Variants in MACF1 observed in about 807,000 individuals in gnomAD.
The protein encoded by MACF1 is microtubule-actin cross-linking factor 1.
Under a neutral mutation model 854.8 loss-of-function variants are expected in MACF1, and 193 were observed. The observed-to-expected ratio is 0.23, with a 90% CI of 0.20 to 0.25. The LOEUF (loss-of-function observed/expected upper bound fraction) is 0.25, where lower values mean the gene tolerates loss of function less well. Among genes scored for constraint, MACF1 ranks in the 10% least tolerant of loss-of-function variants. The pLI, the probability that MACF1 is intolerant of heterozygous loss-of-function variation, is 1.00. For missense variants in MACF1, 7,722 were observed against 8,929.1 expected (o/e 0.86, Z 5.45); for synonymous variants, 3,185 against 3,226.7 (o/e 0.99, Z 0.44).
chr1:39,287,144 A>G, intron 14 of MACF1, 142 bp from the exon 15 acceptor site: 1 of 848,600 alleles, frequency 1.2e-6, no homozygotes, highest in Admixed American at 2.9e-5. Context: ...TATTTTTAGT[A>G]GAGACGGGGT....
intron 2 of MACF1, chr1:39,249,810 A>T: frequency 2.2e-6 from 1 of 448,444 alleles, no homozygotes; most frequent in Non-Finnish European, 4.0e-6. Flanking sequence ...GCATCAATTT[A>T]AAAAACACAC....
chr1:39,468,535 T>C, intron 95 of MACF1, 80 bp from the exon 96 acceptor site: 1 of 1,159,634 alleles, frequency 8.6e-7, no homozygotes, highest in Non-Finnish European at 1.3e-6. Flanking sequence ...CATTCCTGTC[T>C]GAATACAGTC....
chr1:39,288,485 G>A (rs2148392274), intron 15 of MACF1, among the ~76,000 whole-genome samples: 1 of 146,072 alleles, frequency 6.8e-6, no homozygotes, highest in African/African-American at 2.5e-5. Context: ...GAGATAGAGT[G>A]AGACTCCATC....
chr1:39,414,144 C>G, intron 58 of MACF1: 1 of 1,609,432 alleles, frequency 6.2e-7, no homozygotes, highest in Non-Finnish European at 8.5e-7. Context: ...TAGAGGAGCC[C>G]GCCTCCCCAG....
Position 39,204,890 on chromosome 1 carries a change from T to C in MACF1, c.-133T>C. On this transcript the variant is annotated 5_prime_UTR_variant, in exon 1 of 101. Transcript: ENST00000564288. ...GATGGAGGAGAAGCTGCCAGGAAGT[T>C]TCTGACAACACTAAGCTCCGGCCTC... 2 of 616,136 alleles carry C rather than the reference T, an allele frequency of 3.2e-6. No individual in the cohort carries two copies. The highest frequency in any genetic ancestry group is 2.7e-5 in the East Asian group (1 of 36,512). The allele number at this position is 616,136 out of a possible 1,614,324, so 38.2% of individuals were successfully genotyped here.
intron 2 of MACF1, among the ~76,000 whole-genome samples, chr1:39,174,814 G>GTA (rs1644003285): frequency 6.6e-6 from 1 of 152,194 alleles, no homozygotes; most frequent in South Asian, 2.1e-4. Context: ...AAATATCTTA[G>GTA]TAGGAAAAGG....
chr1:39,317,172 A>T, intron 28 of MACF1, 42 bp from the exon 29 acceptor site: 1 of 1,588,392 alleles, frequency 6.3e-7, no homozygotes, highest in South Asian at 1.1e-5. Flanking sequence ...CCTTTTTAGC[A>T]TGGAAAGTAT....
chr1:39,198,762 T>C (rs1347179943), intron 2 of MACF1, among the ~76,000 whole-genome samples: 1 of 151,392 alleles, frequency 6.6e-6, no homozygotes, highest in East Asian at 1.9e-4. Flanking sequence ...GAGATAGAGG[T>C]TGCAGAGATC....
chr1:39,447,532 C>G lies in MACF1; in HGVS notation c.19706C>G (p.Ala6569Gly), dbSNP rs1233857164. The change falls in exon 81 of 101, where the codon GCT (alanine) becomes GGT (glycine). Residue 6569 changes from alanine to glycine, a missense_variant. By Grantham distance (60) the Ala-to-Gly change is moderately conservative (BLOSUM62 0). Around this residue, in one of 15 missense-constraint regions of MACF1, gnomAD observed 729 missense variants for 900.5 expected, o/e 0.81. Coordinates refer to ENST00000564288, the MANE Select transcript of MACF1 (RefSeq NM_001394062.1). ...CTAGCAGAGCAGAGTTTAAACATCG[C>G]TTCTCCACCAAGCCTGATTCTAAAT... The part of the protein sequence containing the change: ...LTLAEQSLNI[A>G]SPPSLILNTV... 6.2e-7 allele frequency: 1 copy of G among 1,614,026 alleles called. No individual in the cohort carries two copies. Among genetic ancestry groups the G allele is most frequent in the East Asian group, 2.2e-5 (1 of 44,888 alleles).
At position 39,422,747 on chromosome 1, in the gene MACF1, A is replaced by G. The variant is rs1025800302; in HGVS notation, c.15996A>G (p.Ala5332=). 19 of 1,614,106 alleles carry G rather than the reference A, an allele frequency of 1.2e-5. No individual in the cohort carries two copies. The Admixed American group carries it at 2.7e-4, about 23-fold the overall frequency. Residue 5332 remains alanine, a synonymous_variant, in exon 60 of 101, where the codon GCA becomes GCG. Coordinates refer to ENST00000564288, the MANE Select transcript of MACF1 (RefSeq NM_001394062.1). ...TGATACAGGTCGCACAAAGAATTGC[A>G]CAGCTACAGGAAGCTTTGTTGCATT... ...TLNKKVAQRI[A]QLQEALLHCG... is the part of the protein sequence containing the mutation.
chr1:39,451,550 AT>A (rs555241811), intron 85 of MACF1, among the ~76,000 whole-genome samples: 5 of 150,310 alleles, frequency 3.3e-5, no homozygotes, highest in East Asian at 2.0e-4. Flanking sequence ...GAAATGAGTG[AT>A]TTTTTTTTTA....
At chr1:39,161,579 G>A (rs1348206656) in intron 2 of MACF1, among the ~76,000 whole-genome samples, 1 of 151,948 alleles carries the variant, frequency 6.6e-6, no homozygotes, top group African/African-American at 2.4e-5. Context: ...ACAAAAACTA[G>A]CCGGTGGCTG....
At chr1:39,473,583 C>G (rs1644818636) in intron 97 of MACF1, among the ~76,000 whole-genome samples, 1 of 152,180 alleles carries the variant, frequency 6.6e-6, no homozygotes, top group Non-Finnish European at 1.5e-5. Flanking sequence ...CCACTGACTC[C>G]TCACTTTAAC....
chr1:39,139,414 G>A (rs187343083), intron 2 of MACF1, among the ~76,000 whole-genome samples: 3 of 151,076 alleles, frequency 2.0e-5, no homozygotes, highest in African/African-American at 4.9e-5. Flanking sequence ...CCCCTACCAC[G>A]TCCAGCTAAT....
chr1:39,260,678 C>CT (rs978224595), intron 6 of MACF1: 4 of 152,040 alleles, frequency 2.6e-5, no homozygotes, highest in African/African-American at 9.7e-5. Flanking sequence ...CATTTCTAGG[C>CT]TTTTTCTGTG....
In MACF1 at chr1:39,453,735, G is replaced by A. The variant is rs752466285; in HGVS notation, c.20771G>A (p.Arg6924Gln). The A allele has an allele frequency of 1.1e-4, 176 of 1,614,002 alleles. No individual in the cohort carries two copies. The highest frequency in any genetic ancestry group is 1.6e-4 in the Middle Eastern group (1 of 6,084). Residue 6924 changes from arginine (R) to glutamine (Q), a missense_variant, in exon 88 of 101, where the codon CGA becomes CAA. By Grantham distance (43) the Arg-to-Gln change is conservative. Coordinates refer to ENST00000564288, the MANE Select transcript of MACF1 (RefSeq NM_001394062.1). ...TTCATGAAGAAAGTAGAAGAAAAGC[G>A]AGTGGACGTTAACTCAGCAGTAGCC... ...KEFMKKVEEKRVDVNSAVAMG... is the reference protein window; with the variant it reads ...KEFMKKVEEKQVDVNSAVAMG...
intron 2 of MACF1, among the ~76,000 whole-genome samples, chr1:39,152,730 C>T (rs1340559862): frequency 6.6e-6 from 1 of 152,090 alleles, no homozygotes; most frequent in African/African-American, 2.4e-5. Flanking sequence ...AGGAAAATTC[C>T]GTTATGTTAT....
At chr1:39,286,037 G>T (rs189714316) in intron 14 of MACF1, among the ~76,000 whole-genome samples, 1 of 152,096 alleles carries the variant, frequency 6.6e-6, no homozygotes, top group Admixed American at 6.5e-5. Context: ...ATCAAAGACA[G>T]GGTCTCACTT....
rs145394418 is a variant in MACF1, at chr1:39,187,188, T to C, written c.221-43994T>C. 1.7e-3 allele frequency among the ~76,000 whole-genome samples: 265 copies of C among 152,292 alleles called. 1 individual carries two copies. The highest frequency in any genetic ancestry group is 6.0e-3 in the African/African-American group (250 of 41,548). ...TTGCTTAAAGGTGAGCTATGTAATATACTATGATTACATTTCCTTTTTGGA... is the reference window on the plus strand; with the variant it reads ...TTGCTTAAAGGTGAGCTATGTAATACACTATGATTACATTTCCTTTTTGGA... On this transcript the variant is annotated intron_variant, in intron 2 of 93. Transcript: ENST00000361689.
Sources: gnomAD v4.1 joint callset for allele counts (sites outside exome capture counted in the v4.1 genomes callset) on GRCh38, gnomAD v4.1.1 for gene constraint, gnomAD v4.1.1 regional missense constraint, MANE v1.5 for transcripts, NCBI Gene and HGNC (gene_info 2026-07-23, HGNC 2026-07-21) for gene names.